Variants in TUBE1 observed in about 807,000 individuals in gnomAD.
The protein encoded by TUBE1 is tubulin epsilon 1.
Under a neutral mutation model 53.5 loss-of-function variants are expected in TUBE1, and 34 were observed. The observed-to-expected ratio is 0.64, with a 90% confidence interval of 0.48 to 0.85. The LOEUF is 0.85. Among genes scored for constraint, TUBE1 ranks in the 40% least tolerant of loss-of-function variants. TUBE1 has a pLI of 0.00. For synonymous variants in TUBE1, 177 were observed against 198.4 expected, an observed-to-expected ratio of 0.89 and a Z score of 0.91; for missense variants, 532 against 570.5, an observed-to-expected ratio of 0.93 and a Z score of 0.69.
At chr6:112,077,582 G>A (rs1270200874) in intron 6 of TUBE1, 1 of 151,896 alleles carries the variant, frequency 6.6e-6, no homozygotes, top group Non-Finnish European at 1.5e-5. Flanking sequence ...TATATAAAAT[G>A]TATTTCATAC....
chr6:112,079,768 T>A lies in TUBE1; in HGVS notation c.327-14A>T. The A allele has an allele frequency of 6.3e-7, 1 of 1,590,052 alleles. No homozygotes were observed. Among genetic ancestry groups the A allele is most frequent in the Non-Finnish European group, 8.5e-7 (1 of 1,173,268 alleles). On this transcript the variant is annotated splice_polypyrimidine_tract_variant and intron_variant, in intron 5 of 11. Transcript: ENST00000368662. ...TGACCCACGGCCCTGAAAATTAGAA[T>A]ATGGATTTTAAAAATTCCTTGCATT...
At chr6:112,078,574 A>C (rs1463278939) in intron 6 of TUBE1, 1 of 152,060 alleles carries the variant, frequency 6.6e-6, no homozygotes, top group Non-Finnish European at 1.5e-5. Context: ...AGTAGGCATT[A>C]GATGTGGGGA....
intron 6 of TUBE1, 150 bp from the exon 7 acceptor site, chr6:112,076,659 T>G: frequency 1.8e-6 from 1 of 563,772 alleles, no homozygotes; most frequent in Non-Finnish European, 2.9e-6. Context: ...AGCCTTGACC[T>G]CCTAGGGTCA....
chr6:112,086,244 A>G (rs1489828108), intron 3 of TUBE1, among the ~76,000 whole-genome samples: 1 of 152,206 alleles, frequency 6.6e-6, no homozygotes, highest in East Asian at 1.9e-4. Flanking sequence ...TGTAAACAAT[A>G]TATTTTTCTT....
chr6:112,078,166 G>A (rs1383066364), intron 6 of TUBE1: 4 of 151,816 alleles, frequency 2.6e-5, no homozygotes, highest in African/African-American at 4.8e-5. Flanking sequence ...GTGCAATATT[G>A]TAGGAAGGTA....
intron 11 of TUBE1, 78 bp from the exon 12 acceptor site, chr6:112,071,648 C>T: frequency 8.1e-7 from 1 of 1,227,000 alleles, no homozygotes. Flanking sequence ...GGTAAATATT[C>T]CTTATTAAAA....
chr6:112,085,152 T>C (rs1562606430), intron 3 of TUBE1, among the ~76,000 whole-genome samples: 1 of 152,234 alleles, frequency 6.6e-6, no homozygotes, highest in Non-Finnish European at 1.5e-5. Flanking sequence ...TGCCAACCCA[T>C]GCTGTAGGTA....
chr6:112,081,943 A>C (rs1554316824), intron 4 of TUBE1, among the ~76,000 whole-genome samples: 1 of 152,094 alleles, frequency 6.6e-6, no homozygotes, highest in African/African-American at 2.4e-5. Flanking sequence ...AGAGTAAAAA[A>C]GTAAACTAAG....
chr6:112,073,012 AAAAT>A, intron 9 of TUBE1, 114 bp from the exon 10 acceptor site: 2 of 397,998 alleles, frequency 5.0e-6, no homozygotes, highest in Non-Finnish European at 7.8e-6. Flanking sequence ...TTACACTAAC[AAAAT>A]ATTAGATTAT....
At chr6:112,071,822 T>C in intron 11 of TUBE1, 80 bp downstream of exon 11, 1 of 1,357,486 alleles carries the variant, frequency 7.4e-7, no homozygotes, top group Non-Finnish European at 1.0e-6. Context: ...CACCCCTGAT[T>C]TGTAATAGTG....
Position 112,076,013 on chromosome 6 carries a change from C to A in TUBE1, c.736G>T (p.Ala246Ser), listed in dbSNP as rs1458810731. The change falls in exon 8 of 12, where the codon GCT (alanine) becomes TCT (serine). Residue 246 changes from alanine (A) to serine (S), a missense_variant. Coordinates refer to ENST00000368662, the MANE Select transcript of TUBE1 (RefSeq NM_016262.5). ...PKSLVTSSSG[A>S]LKKQHKKPFD... is the part of the protein sequence containing the mutation. ...GGCTTCTTATGCTGCTTTTTTAAAGCCCCAGAACTTGAAGTAACCAGACTC... is the reference window on the plus strand; with the variant it reads ...GGCTTCTTATGCTGCTTTTTTAAAGACCCAGAACTTGAAGTAACCAGACTC... 1 of 1,613,704 alleles carries A rather than the reference C, an allele frequency of 6.2e-7. No individual in the cohort carries two copies. Among genetic ancestry groups the A allele is most frequent in the Non-Finnish European group, 8.5e-7 (1 of 1,179,892 alleles).
intron 4 of TUBE1, among the ~76,000 whole-genome samples, chr6:112,082,752 T>C (rs896460251): frequency 5.3e-5 from 8 of 152,190 alleles, no homozygotes; most frequent in Non-Finnish European, 1.2e-4. Context: ...ATTTGATGTT[T>C]GTACTTCCTT....
At chr6:112,077,200 TC>T (rs1331705183) in intron 6 of TUBE1, 2 of 152,168 alleles carry the variant, frequency 1.3e-5, no homozygotes, top group Non-Finnish European at 2.9e-5. Context: ...AAAAAAACTA[TC>T]ATGTCATCAA....
intron 7 of TUBE1, 102 bp downstream of exon 7, chr6:112,076,217 TAAG>T (rs1404503900): frequency 1.4e-6 from 2 of 1,474,734 alleles, no homozygotes; most frequent in Non-Finnish European, 1.8e-6. Context: ...ATTTTTTCTC[TAAG>T]AAGGCTGAAA....
In TUBE1 at chr6:112,079,684, C is replaced by T. The variant is rs782260460; in HGVS notation, c.397G>A (p.Glu133Lys). ...QILEKFRKSA[E>K]HCDCLQCFFI... is the part of the protein sequence containing the mutation. ...AAACACTGCAAGCAATCACAGTGCT[C>T]TGCCGACTTTCTGAATTTCTCTAAA... is the stretch of plus-strand genomic sequence containing the variant. The change falls in exon 6 of 12, where the codon GAG (glutamate) becomes AAG (lysine). Residue 133 changes from glutamate to lysine, a missense_variant. Coordinates refer to ENST00000368662, the MANE Select transcript of TUBE1 (RefSeq NM_016262.5). The T allele has an allele frequency of 1.2e-6, 2 of 1,612,420 alleles. No homozygotes were observed. Among genetic ancestry groups the T allele is most frequent in the Admixed American group, 3.3e-5 (2 of 59,826 alleles).
At chr6:112,078,971 G>A (rs868930497) in intron 6 of TUBE1, among the ~76,000 whole-genome samples, 19 of 152,102 alleles carry the variant, frequency 1.2e-4, no homozygotes, top group Middle Eastern at 6.8e-3. Flanking sequence ...TTTGCTAAGC[G>A]TATTTAAAAA....
intron 4 of TUBE1, among the ~76,000 whole-genome samples, chr6:112,083,041 GAA>G (rs1274120396): frequency 1.3e-5 from 2 of 151,940 alleles, no homozygotes; most frequent in Admixed American, 6.6e-5. Flanking sequence ...ACGGTTGTAG[GAA>G]AAAGATTCAA....
intron 3 of TUBE1, among the ~76,000 whole-genome samples, 184 bp downstream of exon 3, chr6:112,086,372 T>C (rs1428896698): frequency 1.3e-5 from 2 of 152,240 alleles, no homozygotes; most frequent in African/African-American, 4.8e-5. Flanking sequence ...AAGGGAAATC[T>C]GTTGTCTTCT....
intron 5 of TUBE1, among the ~76,000 whole-genome samples, chr6:112,080,475 T>A (rs1361573905): frequency 1.3e-5 from 2 of 152,092 alleles, no homozygotes; most frequent in Non-Finnish European, 2.9e-5. Flanking sequence ...AAGATTCAAA[T>A]TTATGCCTTA....
Sources: gnomAD v4.1 joint callset for allele counts (sites outside exome capture counted in the v4.1 genomes callset) on GRCh38, gnomAD v4.1.1 for gene constraint, MANE v1.5 for transcripts, NCBI Gene and HGNC (gene_info 2026-07-23, HGNC 2026-07-21) for gene names.